RBFOX1: variants seen among roughly 807,000 people sequenced by gnomAD.
RBFOX1 encodes the protein RNA binding fox-1 homolog 1, also known as RNA binding protein fox-1 homolog 1.
In RBFOX1, 8 loss-of-function variants were observed where a neutral mutation model predicts 57.7. That is an observed-to-expected ratio of 0.14 (90% CI 0.08 to 0.25). The LOEUF is 0.25. Among genes scored for constraint, RBFOX1 ranks in the 10% least tolerant of loss-of-function variants. RBFOX1 has a pLI of 1.00. For missense variants in RBFOX1, 611 were observed against 548.5 expected (o/e 1.11, Z -1.14); for synonymous variants, 326 against 222.4 (o/e 1.47, Z -4.15).
At chr16:7,618,851 AG>A (rs1300168803) in intron 10 of RBFOX1, among the ~76,000 whole-genome samples, 2 of 152,210 alleles carry the variant, frequency 1.3e-5, no homozygotes, top group Non-Finnish European at 2.9e-5. Flanking sequence ...ATGCATTTCT[AG>A]AACTTCCATG....
At position 6,936,498 on chromosome 16, in the gene RBFOX1, CCCGACTATGTAT is replaced by C. The variant is rs1257833260; in HGVS notation, c.-15-115556_-15-115545del. On this transcript the variant is annotated intron_variant, in intron 3 of 15. Coordinates refer to ENST00000550418, the MANE Select transcript of RBFOX1 (RefSeq NM_018723.4). ...TTCATCCAACATTGAGTAATTGACT[CCCGACTATGTAT>C]CCAGAAACGTAAAATGCTCTGGGGA... is the stretch of plus-strand genomic sequence containing the variant. 2.0e-5 allele frequency among the ~76,000 whole-genome samples: 3 copies of C among 152,172 alleles called. No individual in the cohort carries two copies. The East Asian group carries it at 5.8e-4, about 30-fold the overall frequency.
chr16:6,739,907 T>C (rs1022623631), intron 3 of RBFOX1, among the ~76,000 whole-genome samples: 5 of 152,082 alleles, frequency 3.3e-5, no homozygotes, highest in African/African-American at 1.2e-4. Context: ...CACATTCCAC[T>C]TTATTTTATG....
chr16:6,549,416 G>C (rs1464675308), intron 2 of RBFOX1, among the ~76,000 whole-genome samples: 1 of 53,448 alleles, frequency 1.9e-5, no homozygotes, highest in African/African-American at 7.3e-5. Flanking sequence ...GAGGGAGGAG[G>C]AGGAGGAGGG....
At chr16:7,393,927 G>C (rs2098091221) in intron 4 of RBFOX1, among the ~76,000 whole-genome samples, 1 of 152,054 alleles carries the variant, frequency 6.6e-6, no homozygotes, top group Admixed American at 6.6e-5. Flanking sequence ...GGATGGCTGA[G>C]GCACCAGCTT....
intron 4 of RBFOX1, among the ~76,000 whole-genome samples, chr16:7,462,013 T>A (rs962566149): frequency 1.3e-5 from 2 of 152,194 alleles, no homozygotes; most frequent in Non-Finnish European, 2.9e-5. Flanking sequence ...TTATTTTCTC[T>A]CCTTACGTGC....
At chr16:7,299,126 A>G (rs139630777) in intron 4 of RBFOX1, among the ~76,000 whole-genome samples, 2 of 152,316 alleles carry the variant, frequency 1.3e-5, no homozygotes, top group African/African-American at 4.8e-5. Flanking sequence ...TATTAATATC[A>G]TCTCCAGGAC....
chr16:7,212,458 A>T (rs1156932325), intron 4 of RBFOX1, among the ~76,000 whole-genome samples: 1 of 152,168 alleles, frequency 6.6e-6, no homozygotes, highest in Non-Finnish European at 1.5e-5. Context: ...ATCCATGCAG[A>T]TGCTGCTTTA....
At chr16:6,815,245 TG>T (rs1264095638) in intron 3 of RBFOX1, among the ~76,000 whole-genome samples, 2 of 152,158 alleles carry the variant, frequency 1.3e-5, no homozygotes, top group Admixed American at 6.5e-5. Context: ...TCACTCTCAT[TG>T]CCATCTTGGT....
chr16:5,497,964 T>A (rs2043058290), intron 2 of RBFOX1, among the ~76,000 whole-genome samples: 1 of 151,320 alleles, frequency 6.6e-6, no homozygotes, highest in South Asian at 2.1e-4. Flanking sequence ...GGAAAGAAAA[T>A]TTCAGGCAGA....
At chr16:6,176,944 T>C (rs2097015790) in intron 1 of RBFOX1, among the ~76,000 whole-genome samples, 1 of 152,188 alleles carries the variant, frequency 6.6e-6, no homozygotes, top group Non-Finnish European at 1.5e-5. Context: ...TGCCTGGACA[T>C]AGTGGTTCAA....
At chr16:6,164,932 G>A (rs935347112) in intron 1 of RBFOX1, among the ~76,000 whole-genome samples, 1 of 152,132 alleles carries the variant, frequency 6.6e-6, no homozygotes, top group South Asian at 2.1e-4. Flanking sequence ...CATAAGTAAA[G>A]TTTGGGGGGA....
chr16:6,232,976 C>T (rs187985539), intron 1 of RBFOX1, among the ~76,000 whole-genome samples: 169 of 152,154 alleles, frequency 1.1e-3, no homozygotes, highest in Admixed American at 1.6e-3. Context: ...GCAGGGTAGC[C>T]GTACTGTGTA....
chr16:7,355,079 C>G (rs756666820), intron 4 of RBFOX1, among the ~76,000 whole-genome samples: 15 of 152,126 alleles, frequency 9.9e-5, no homozygotes, highest in African/African-American at 3.1e-4. Context: ...TTAATCCTCC[C>G]AAAACTCTAA....
intron 3 of RBFOX1, among the ~76,000 whole-genome samples, chr16:5,762,251 C>T (rs1038326716): frequency 4.0e-5 from 6 of 151,224 alleles, no homozygotes; most frequent in Admixed American, 6.6e-5. Flanking sequence ...TCTAAATGGC[C>T]GGGACACTTG....
chr16:5,660,791 G>T (rs2077295560), intron 3 of RBFOX1, among the ~76,000 whole-genome samples: 1 of 152,134 alleles, frequency 6.6e-6, no homozygotes, highest in South Asian at 2.1e-4. Flanking sequence ...GCTGAAGCAG[G>T]CGGAGTGGTG....
At chr16:7,479,614 C>T (rs1006418290) in intron 4 of RBFOX1, among the ~76,000 whole-genome samples, 4 of 152,140 alleles carry the variant, frequency 2.6e-5, no homozygotes, top group Non-Finnish European at 4.4e-5. Context: ...CATCTCACCA[C>T]AGCTCAGAGA....
chr16:6,352,519 T>C (rs73530343), intron 2 of RBFOX1, among the ~76,000 whole-genome samples: 4,279 of 152,284 alleles, frequency 0.028, 162 homozygotes, highest in African/African-American at 0.09. Context: ...TGTTTTGTTT[T>C]TGTAGCCCAG....
chr16:6,538,514 A>G (rs888222776), intron 2 of RBFOX1, among the ~76,000 whole-genome samples: 3 of 152,158 alleles, frequency 2.0e-5, no homozygotes, highest in African/African-American at 7.2e-5. Context: ...CAAAAAATGC[A>G]TATGAAAATC....
In RBFOX1 at chr16:6,971,945, G is replaced by A. The variant is rs916588672; in HGVS notation, c.-15-80112G>A. Among the ~76,000 whole-genome samples the A allele has an allele frequency of 8.5e-5, 13 of 152,138 alleles. 1 individual carries two copies. The highest frequency in any genetic ancestry group is 2.0e-4 in the Admixed American group (3 of 15,270). On this transcript the variant is annotated intron_variant, in intron 3 of 15. Coordinates refer to ENST00000550418, the MANE Select transcript of RBFOX1 (RefSeq NM_018723.4). ...GGAACTGGACCGACTTGAGATGCGG[G>A]AGAATGTGAATGAGCATGGAGTCCG...
Sources: allele counts gnomAD v4.1 joint callset (sites outside exome capture counted in the v4.1 genomes callset), GRCh38; gene constraint gnomAD v4.1.1; transcripts MANE v1.5; gene names NCBI Gene and HGNC (gene_info 2026-07-23, HGNC 2026-07-21).